The following CUX2 variants were observed in gnomAD, a reference collection of about 807,000 sequenced individuals.
The protein encoded by CUX2 is cut like homeobox 2.
Under a neutral mutation model 144.8 loss-of-function variants are expected in CUX2, and 40 were observed. The observed-to-expected ratio is 0.28, with a 90% CI of 0.21 to 0.36. The LOEUF (loss-of-function observed/expected upper bound fraction) is 0.36, where lower values mean the gene tolerates loss of function less well. Among genes scored for constraint, CUX2 ranks in the 10% least tolerant of loss-of-function variants. The pLI, the probability that CUX2 is intolerant of heterozygous loss-of-function variation, is 1.00. For synonymous variants in CUX2, 827 were observed against 875.6 expected (o/e 0.94, Z 0.98); for missense variants, 1,615 against 1,994.0 (o/e 0.81, Z 3.62).
intron 1 of CUX2, among the ~76,000 whole-genome samples, chr12:111,090,637 A>G (rs1338318834): frequency 6.6e-6 from 1 of 152,000 alleles, no homozygotes; most frequent in Non-Finnish European, 1.5e-5. Context: ...ATCTCTCGGC[A>G]TCCTTTTTCT....
chr12:111,036,639 G>C (rs1324768544), intron 1 of CUX2, among the ~76,000 whole-genome samples: 2 of 151,228 alleles, frequency 1.3e-5, no homozygotes, highest in South Asian at 4.2e-4. Flanking sequence ...TGAAGGGGGG[G>C]GTTGTTCGTT....
intron 1 of CUX2, among the ~76,000 whole-genome samples, chr12:111,115,268 T>C (rs1592909410): frequency 1.3e-5 from 2 of 150,038 alleles, no homozygotes; most frequent in East Asian, 2.0e-4. Context: ...AATTTGGAGA[T>C]AATAAAATTT....
chr12:111,102,947 C>G (rs1026635628), intron 1 of CUX2, among the ~76,000 whole-genome samples: 1 of 152,050 alleles, frequency 6.6e-6, no homozygotes, highest in Admixed American at 6.5e-5. Context: ...TTAATGATAC[C>G]AACAAGATTT....
At chr12:111,317,086 A>G (rs1212549122) in intron 16 of CUX2, among the ~76,000 whole-genome samples, 3 of 152,222 alleles carry the variant, frequency 2.0e-5, no homozygotes, top group Non-Finnish European at 4.4e-5. Context: ...TGACAAAATA[A>G]TGTTCCATTG....
At chr12:111,110,067 G>T (rs556759084) in intron 1 of CUX2, among the ~76,000 whole-genome samples, 2 of 146,676 alleles carry the variant, frequency 1.4e-5, no homozygotes, top group East Asian at 4.0e-4. Flanking sequence ...TTTTTAAGTA[G>T]AGACGAGGTC....
At chr12:111,076,793 A>G (rs761759371) in intron 1 of CUX2, among the ~76,000 whole-genome samples, 3 of 152,182 alleles carry the variant, frequency 2.0e-5, no homozygotes, top group Non-Finnish European at 2.9e-5. Flanking sequence ...CCTTTGCTGC[A>G]TTGGATTTCT....
At chr12:111,342,191 C>A in intron 21 of CUX2, 138 bp downstream of exon 21, 1 of 1,043,670 alleles carries the variant, frequency 9.6e-7, no homozygotes, top group Non-Finnish European at 1.4e-6. Flanking sequence ...AGATATAGAA[C>A]ACAGGCCCAA....
intron 1 of CUX2, among the ~76,000 whole-genome samples, chr12:111,041,588 A>G (rs1308722254): frequency 1.3e-5 from 2 of 152,254 alleles, no homozygotes; most frequent in Non-Finnish European, 2.9e-5. Context: ...GTCAGCATTT[A>G]AAACACAAGA....
chr12:111,134,344 T>G (rs1327171701), intron 1 of CUX2, among the ~76,000 whole-genome samples: 1 of 152,204 alleles, frequency 6.6e-6, no homozygotes, highest in Non-Finnish European at 1.5e-5. Context: ...AGTGGTTGAT[T>G]TGGAATATCT....
intron 1 of CUX2, among the ~76,000 whole-genome samples, chr12:111,208,262 G>A (rs1346929083): frequency 6.6e-6 from 1 of 152,098 alleles, no homozygotes. Context: ...GTCTGAGTGT[G>A]AGGTGTCCTT....
At chr12:111,247,677 G>T (rs957808791) in intron 3 of CUX2, among the ~76,000 whole-genome samples, 11 of 152,138 alleles carry the variant, frequency 7.2e-5, no homozygotes, top group Admixed American at 5.9e-4. Flanking sequence ...CCTGTTGCTG[G>T]GGGCAGGATG....
chr12:111,065,176 A>C (rs970217150), intron 1 of CUX2, among the ~76,000 whole-genome samples: 1 of 152,214 alleles, frequency 6.6e-6, no homozygotes, highest in Non-Finnish European at 1.5e-5. Context: ...CAGATAGCAA[A>C]TATTTTTCAC....
At chr12:111,335,419 A>C (rs1888307915) in intron 19 of CUX2, among the ~76,000 whole-genome samples, 1 of 151,530 alleles carries the variant, frequency 6.6e-6, no homozygotes, top group Admixed American at 6.6e-5. Flanking sequence ...AATCAGTAAA[A>C]TAAAAAACAA....
rs552572557 is a variant in CUX2, at chr12:111,121,381, T to C, written c.63+87141T>C. Among the ~76,000 whole-genome samples, 559 of 136,036 alleles carry C rather than the reference T, an allele frequency of 4.1e-3. 3 individuals are homozygous for C. The highest frequency in any genetic ancestry group is 0.015 in the African/African-American group (538 of 35,828). The allele number at this position is 136,036 out of a possible 152,430, so 89.2% of individuals were successfully genotyped here. A position where few individuals can be genotyped will look rare whatever the true frequency, so the allele number is the denominator to read the frequency against. ...TCTTTTCTTTTTTCTTTTTTTTTTT[T>C]TTTTTTTTTTTTTGAGACGGATTCT... is the stretch of plus-strand genomic sequence containing the variant. On this transcript the variant is annotated intron_variant, in intron 1 of 21. Transcript: ENST00000261726.
intron 1 of CUX2, among the ~76,000 whole-genome samples, chr12:111,118,182 A>G (rs1171910778): frequency 6.6e-6 from 1 of 152,212 alleles, no homozygotes; most frequent in Non-Finnish European, 1.5e-5. Flanking sequence ...TTTGCAAACT[A>G]CTTACTAAAC....
chr12:111,347,136 G>C (rs1273988562), intron 21 of CUX2, among the ~76,000 whole-genome samples: 1 of 152,158 alleles, frequency 6.6e-6, no homozygotes, highest in African/African-American at 2.4e-5. Flanking sequence ...TACCCTTACA[G>C]CACATGTCAA....
chr12:111,207,763 A>T (rs1881001980), intron 1 of CUX2, among the ~76,000 whole-genome samples: 1 of 152,202 alleles, frequency 6.6e-6, no homozygotes, highest in Non-Finnish European at 1.5e-5. Context: ...ACTTCTGTGT[A>T]AATGTTCTAG....
intron 1 of CUX2, among the ~76,000 whole-genome samples, chr12:111,052,826 G>C (rs544689953): frequency 4.6e-5 from 7 of 152,142 alleles, no homozygotes; most frequent in Admixed American, 6.5e-5. Flanking sequence ...GTCTAGTTTG[G>C]TGTGGCATTT....
At chr12:111,209,243 A>T (rs73415970) in intron 1 of CUX2, among the ~76,000 whole-genome samples, 1,975 of 152,270 alleles carry the variant, frequency 0.013, 44 homozygotes, top group African/African-American at 0.045. Context: ...TACAAAAAAT[A>T]AAAACTAGCC....
Sources: gnomAD v4.1 joint callset for allele counts (sites outside exome capture counted in the v4.1 genomes callset) on GRCh38, gnomAD v4.1.1 for gene constraint, MANE v1.5 for transcripts, NCBI Gene and HGNC (gene_info 2026-07-23, HGNC 2026-07-21) for gene names.